ANKS1B: variants seen among roughly 807,000 people sequenced by gnomAD.
The protein encoded by ANKS1B is ankyrin repeat and sterile alpha motif domain-containing protein 1B.
Under a neutral mutation model 148.3 loss-of-function variants are expected in ANKS1B, and 36 were observed. That is an observed-to-expected ratio of 0.24 (90% CI 0.19 to 0.32). The LOEUF (loss-of-function observed/expected upper bound fraction) is 0.32, where lower values mean the gene tolerates loss of function less well. ANKS1B is among the 10% of genes least tolerant of loss of function. The pLI, the probability that ANKS1B is intolerant of heterozygous loss-of-function variation, is 1.00. For synonymous variants in ANKS1B, 542 were observed against 560.8 expected (o/e 0.97, Z 0.47); for missense variants, 1,157 against 1,542.6 (o/e 0.75, Z 4.19).
In ANKS1B at chr12:99,293,270, A is replaced by G. The variant is rs2080304757; in HGVS notation, c.1757-46406T>C. ...ACAAGGACAGAAAACCAAACACCAC[A>G]TGTTCTCACTCATAGGTGGGAATTG... is the stretch of plus-strand genomic sequence containing the variant. On this transcript the variant is annotated intron_variant, in intron 12 of 26. Coordinates refer to ENST00000683438, the MANE Select transcript of ANKS1B (RefSeq NM_001352186.2). Among the ~76,000 whole-genome samples the G allele has an allele frequency of 2.7e-5, 4 of 149,626 alleles. No individual in the cohort carries two copies. The Admixed American group carries it at 2.7e-4, about 10-fold the overall frequency.
chr12:99,783,311 C>A (rs748262209), intron 4 of ANKS1B, among the ~76,000 whole-genome samples: 3 of 152,112 alleles, frequency 2.0e-5, no homozygotes, highest in Non-Finnish European at 4.4e-5. Context: ...TTACATTAAC[C>A]TAGTGTTGGG....
chr12:99,736,132 T>C (rs2059596791), intron 8 of ANKS1B, among the ~76,000 whole-genome samples: 1 of 152,010 alleles, frequency 6.6e-6, no homozygotes, highest in Non-Finnish European at 1.5e-5. Context: ...AGGCCATATA[T>C]GATAAACCCA....
chr12:99,705,631 C>T (rs2055625820), intron 8 of ANKS1B, among the ~76,000 whole-genome samples: 1 of 152,020 alleles, frequency 6.6e-6, no homozygotes, highest in Non-Finnish European at 1.5e-5. Context: ...AAGACATTTG[C>T]ATGAAATTAC....
At chr12:99,575,032 T>C (rs1016279583) in intron 9 of ANKS1B, among the ~76,000 whole-genome samples, 2 of 152,086 alleles carry the variant, frequency 1.3e-5, no homozygotes, top group Admixed American at 6.6e-5. Context: ...TACAGAACTT[T>C]AAAAGCTACT....
At chr12:99,365,349 A>C (rs2092708453) in intron 12 of ANKS1B, among the ~76,000 whole-genome samples, 1 of 152,162 alleles carries the variant, frequency 6.6e-6, no homozygotes. Context: ...ATATCAGCAC[A>C]ATCTGATAGA....
chr12:98,825,422 C>A (rs988209788), intron 19 of ANKS1B, among the ~76,000 whole-genome samples: 1 of 151,956 alleles, frequency 6.6e-6, no homozygotes. Context: ...TCTTTAGTGC[C>A]CCCAGGTAAT....
At chr12:99,414,578 G>A in intron 11 of ANKS1B, among the ~76,000 whole-genome samples, 1 of 152,062 alleles carries the variant, frequency 6.6e-6, no homozygotes, top group Non-Finnish European at 1.5e-5. Flanking sequence ...AACTAACACA[G>A]GAACAGAAAA....
chr12:99,448,024 A>G (rs1022189195), intron 10 of ANKS1B, among the ~76,000 whole-genome samples: 5 of 152,144 alleles, frequency 3.3e-5, no homozygotes, highest in Admixed American at 1.3e-4. Flanking sequence ...TAGTACAGCC[A>G]TTAGAGAGAA....
intron 1 of ANKS1B, among the ~76,000 whole-genome samples, chr12:99,948,380 A>T (rs1461600007): frequency 8.5e-6 from 1 of 117,182 alleles, no homozygotes; most frequent in Non-Finnish European, 2.2e-5. Context: ...GAAAGAATTA[A>T]AAAAAAAAAG....
In ANKS1B at chr12:98,786,639, C is replaced by T. The variant is rs79982875; in HGVS notation, c.3343-4502G>A. 8.5e-3 allele frequency among the ~76,000 whole-genome samples: 1,299 copies of T among 152,250 alleles called. 15 individuals are homozygous for T. The highest frequency in any genetic ancestry group is 0.03 in the African/African-American group (1,246 of 41,540). On this transcript the variant is annotated intron_variant, in intron 22 of 26. Transcript: ENST00000683438. ...ATGGAGATACCCTTTCCAGAGTGCA[C>T]GAACTCTAATCTCAGAGCAAGACTT...
At chr12:99,269,808 C>A (rs2076843654) in intron 12 of ANKS1B, among the ~76,000 whole-genome samples, 1 of 152,148 alleles carries the variant, frequency 6.6e-6, no homozygotes, top group Non-Finnish European at 1.5e-5. Flanking sequence ...ATCTGCCCGC[C>A]TCCACCTTCC....
intron 12 of ANKS1B, among the ~76,000 whole-genome samples, chr12:99,266,488 T>G (rs1023397808): frequency 3.9e-5 from 6 of 152,160 alleles, no homozygotes. Context: ...CACAACTGGT[T>G]AGTAAAACTG....
At chr12:98,823,481 T>C (rs1420282606) in intron 19 of ANKS1B, among the ~76,000 whole-genome samples, 1 of 152,186 alleles carries the variant, frequency 6.6e-6, no homozygotes, top group Non-Finnish European at 1.5e-5. Flanking sequence ...TTGTTTAGTT[T>C]GGGGAAAAAA....
In ANKS1B at chr12:99,246,478, T is replaced by A. The variant is rs2073894308; in HGVS notation, c.2143A>T (p.Thr715Ser). 1 of 1,613,876 alleles carries A rather than the reference T, an allele frequency of 6.2e-7. No homozygotes were observed. Among genetic ancestry groups the A allele is most frequent in the Non-Finnish European group, 8.5e-7 (1 of 1,179,848 alleles). ...NAGGFVERACTLGRIRSLPKA... is the reference protein window; with the variant it reads ...NAGGFVERACSLGRIRSLPKA... ...GGCAATGACCTTATTCTCCCCAGAG[T>A]ACAGGCTCTCTCCACAAATCCCCCT... The change falls in exon 13 of 27, where the codon ACT (threonine) becomes TCT (serine). Residue 715 changes from threonine to serine, a missense_variant. Transcript: ENST00000683438.
At chr12:99,157,217 G>C (rs1212648533) in intron 14 of ANKS1B, among the ~76,000 whole-genome samples, 2 of 152,126 alleles carry the variant, frequency 1.3e-5, no homozygotes, top group African/African-American at 4.8e-5. Context: ...ATTTGTCCCT[G>C]GCCAGCTCTA....
chr12:99,680,696 G>A (rs1349755481), intron 8 of ANKS1B, among the ~76,000 whole-genome samples: 1 of 152,186 alleles, frequency 6.6e-6, no homozygotes, highest in Non-Finnish European at 1.5e-5. Context: ...GAGGGGTGAA[G>A]CCTGAAATCC....
At chr12:99,033,548 C>T (rs909885491) in intron 17 of ANKS1B, among the ~76,000 whole-genome samples, 1 of 152,010 alleles carries the variant, frequency 6.6e-6, no homozygotes, top group Non-Finnish European at 1.5e-5. Context: ...CCTGTAATCC[C>T]AGCTACTCAG....
At chr12:99,632,727 C>CTA (rs3081654) in intron 9 of ANKS1B, among the ~76,000 whole-genome samples, 656 of 38,962 alleles carry the variant, frequency 0.017, 15 homozygotes, top group Non-Finnish European at 0.027. Flanking sequence ...CCTTTTCTTT[C>CTA]TATATATATA....
chr12:98,773,193 CAT>C lies in ANKS1B; in HGVS notation c.3442-16_3442-15del. 6.3e-7 allele frequency: 1 copy of C among 1,594,730 alleles called. No individual in the cohort carries two copies. The highest frequency in any genetic ancestry group is 1.1e-5 in the South Asian group (1 of 86,986). ...AGCAATTATGTTCTGGAAGAAATGA[CAT>C]AAATGATCATTGTTTTCCTCTGCGA... is the stretch of plus-strand genomic sequence containing the variant. On this transcript the variant is annotated splice_polypyrimidine_tract_variant and intron_variant, in intron 24 of 26. Coordinates refer to ENST00000683438, the MANE Select transcript of ANKS1B (RefSeq NM_001352186.2).
Sources: allele counts gnomAD v4.1 joint callset (sites outside exome capture counted in the v4.1 genomes callset), GRCh38; gene constraint gnomAD v4.1.1; transcripts MANE v1.5; gene names NCBI Gene and HGNC (gene_info 2026-07-23, HGNC 2026-07-21).